The following PEX5L variants were observed in gnomAD, a reference collection of about 807,000 sequenced individuals.
PEX5L encodes the protein PEX5-related protein.
In PEX5L, 30 loss-of-function variants were observed where a neutral mutation model predicts 84.0. The ratio of observed to expected loss-of-function variants is 0.36; its 90% CI spans 0.27 to 0.48. The LOEUF is 0.48. Among genes scored for constraint, PEX5L ranks in the 20% least tolerant of loss-of-function variants. The pLI is 0.99. For missense variants in PEX5L, 533 were observed against 754.6 expected (o/e 0.71, Z 3.44); for synonymous variants, 270 against 283.1 (o/e 0.95, Z 0.46).
chr3:179,985,839 C>T (rs753212989), intron 1 of PEX5L, among the ~76,000 whole-genome samples: 7 of 152,112 alleles, frequency 4.6e-5, no homozygotes, highest in African/African-American at 1.7e-4. Flanking sequence ...CACGAGGAAA[C>T]TGCTTCTGAC....
intron 2 of PEX5L, among the ~76,000 whole-genome samples, chr3:179,938,432 A>G (rs573308430): frequency 6.6e-6 from 1 of 152,354 alleles, no homozygotes; most frequent in South Asian, 2.1e-4. Context: ...TGGAGATTTA[A>G]CAAGAGCTGT....
chr3:179,828,722 C>T (rs1011884036), intron 8 of PEX5L, among the ~76,000 whole-genome samples: 3 of 151,744 alleles, frequency 2.0e-5, no homozygotes, highest in African/African-American at 7.3e-5. Context: ...TGAGATAAAG[C>T]CTTAGTGTAT....
chr3:179,971,326 C>T (rs1449445839), intron 2 of PEX5L, among the ~76,000 whole-genome samples: 1 of 152,064 alleles, frequency 6.6e-6, no homozygotes, highest in Non-Finnish European at 1.5e-5. Flanking sequence ...CTCATTTTAT[C>T]AAGAGATGCC....
chr3:179,949,182 T>C (rs1290300280), intron 2 of PEX5L, among the ~76,000 whole-genome samples: 1 of 152,054 alleles, frequency 6.6e-6, no homozygotes, highest in East Asian at 1.9e-4. Flanking sequence ...GAAGGATTAA[T>C]AAATGGTAAA....
rs370748879 is a variant in PEX5L, at chr3:179,808,529, C to T, written c.1353-92G>A. 6 of 1,015,058 alleles carry T rather than the reference C, an allele frequency of 5.9e-6. No homozygotes were observed. The African/African-American group carries it at 8.2e-5, about 14-fold the overall frequency. 62.9% of individuals were successfully genotyped at this position (1,015,058 alleles called of 1,614,324 possible). On this transcript the variant is annotated intron_variant, in intron 12 of 14. Transcript: ENST00000467460. The stretch of plus-strand genomic sequence containing the variant: ...ATCCCTTGACTGTATTTCAAGAAGT[C>T]TCTTCGTTACAGACTGGAAAATTTT...
chr3:179,948,685 T>C (rs1469406926), intron 2 of PEX5L, among the ~76,000 whole-genome samples: 1 of 152,164 alleles, frequency 6.6e-6, no homozygotes, highest in African/African-American at 2.4e-5. Flanking sequence ...ATTTCTTCAC[T>C]TCTACCCAAT....
At chr3:179,803,713 G>A (rs555389948) in intron 14 of PEX5L, among the ~76,000 whole-genome samples, 1 of 152,314 alleles carries the variant, frequency 6.6e-6, no homozygotes, top group African/African-American at 2.4e-5. Context: ...TAGGTAATAA[G>A]CATCTGGTAA....
At chr3:179,908,383 C>A (rs1486863092) in intron 2 of PEX5L, among the ~76,000 whole-genome samples, 1 of 152,208 alleles carries the variant, frequency 6.6e-6, no homozygotes, top group African/African-American at 2.4e-5. Context: ...GGCACCAACA[C>A]CCAGACTGGA....
chr3:179,875,327 C>A (rs1560492065), intron 6 of PEX5L, 27 bp downstream of exon 6: 2 of 1,612,208 alleles, frequency 1.2e-6, no homozygotes, highest in South Asian at 2.2e-5. Flanking sequence ...ACATAAATGG[C>A]CGTTTTCTGG....
At chr3:179,864,541 G>A (rs1026747351) in intron 7 of PEX5L, among the ~76,000 whole-genome samples, 4 of 152,000 alleles carry the variant, frequency 2.6e-5, no homozygotes, top group Non-Finnish European at 5.9e-5. Context: ...AAGGTTGAGG[G>A]GTTTGGGAGA....
At chr3:180,010,101 G>A (rs1005279299) in intron 1 of PEX5L, among the ~76,000 whole-genome samples, 6 of 151,802 alleles carry the variant, frequency 4.0e-5, no homozygotes, top group Non-Finnish European at 5.9e-5. Context: ...CCGCCACCAC[G>A]TCTGGCTACT....
chr3:180,003,740 AC>A (rs1434006587), intron 1 of PEX5L, among the ~76,000 whole-genome samples: 3 of 152,212 alleles, frequency 2.0e-5, no homozygotes, highest in African/African-American at 7.2e-5. Context: ...ACAAAAGGCA[AC>A]TAAATAATAA....
intron 3 of PEX5L, among the ~76,000 whole-genome samples, chr3:179,890,726 G>A (rs890898889): frequency 1.3e-5 from 2 of 152,106 alleles, no homozygotes; most frequent in Non-Finnish European, 2.9e-5. Flanking sequence ...TCACAGTTCT[G>A]TGTACATATA....
intron 1 of PEX5L, among the ~76,000 whole-genome samples, chr3:180,034,264 G>GT (rs1201630152): frequency 1.3e-5 from 2 of 152,190 alleles, no homozygotes; most frequent in Admixed American, 6.5e-5. Flanking sequence ...TAAGGTATCA[G>GT]TCAAGTAACA....
rs115154825 is a variant in PEX5L, at chr3:179,978,899, G to A, written c.22-7234C>T. Among the ~76,000 whole-genome samples the A allele has an allele frequency of 3.0e-3, 451 of 152,324 alleles. 2 individuals are homozygous for A. Among genetic ancestry groups the A allele is most frequent in the African/African-American group, 0.011 (443 of 41,576 alleles). On this transcript the variant is annotated intron_variant, in intron 1 of 14. Transcript: ENST00000467460. ...GCTTTCTGGGATTAATCCATGGAAT[G>A]ATAGGCAGTTCAAGATGATATTAAT...
At position 179,808,282 on chromosome 3, in the gene PEX5L, A is replaced by G; in HGVS notation, c.1508T>C (p.Val503Ala). 2 of 1,572,870 alleles carry G rather than the reference A, an allele frequency of 1.3e-6. No homozygotes were observed. The highest frequency in any genetic ancestry group is 1.7e-6 in the Non-Finnish European group (2 of 1,163,304). ...AIDAFNAALT[V>A]RPEDYSLWNR... ...GCTGTGCTGTCTTACCTCTGGCCGAACAGTTAAGGCAGCGTTAAATGCATC... is the reference window on the plus strand; with the variant it reads ...GCTGTGCTGTCTTACCTCTGGCCGAGCAGTTAAGGCAGCGTTAAATGCATC... The change falls in exon 13 of 15, where the codon GTT (valine) becomes GCT (alanine). Residue 503 changes from valine to alanine, a missense_variant. This residue lies in a region of PEX5L where 105 missense variants were observed against 204.6 expected (regional missense o/e 0.51). Transcript: ENST00000467460.
chr3:179,978,730 T>G (rs948000565), intron 1 of PEX5L, among the ~76,000 whole-genome samples: 1 of 152,224 alleles, frequency 6.6e-6, no homozygotes, highest in African/African-American at 2.4e-5. Context: ...ATCTTTGCTT[T>G]TATTTGGAAA....
In PEX5L at chr3:179,876,040, G is replaced by C. The variant is rs114505082; in HGVS notation, c.506-563C>G. Among the ~76,000 whole-genome samples, 1,229 of 152,280 alleles carry C rather than the reference G, an allele frequency of 8.1e-3. 20 individuals are homozygous for C. Among genetic ancestry groups the C allele is most frequent in the African/African-American group, 0.029 (1,190 of 41,540 alleles). ...GAGAGAATTTATAATGGGGGAGAGAGAGAAAGGAGGCAATGAGGACAGCCA... is the reference window on the plus strand; with the variant it reads ...GAGAGAATTTATAATGGGGGAGAGACAGAAAGGAGGCAATGAGGACAGCCA... On this transcript the variant is annotated intron_variant, in intron 5 of 14. Coordinates refer to ENST00000467460, the MANE Select transcript of PEX5L (RefSeq NM_016559.3).
Position 179,880,136 on chromosome 3 carries a change from G to A in PEX5L, c.311-13C>T. ...CCAGTGGTCAATACTACCAGAAATG[G>A]AAGAGGTTAAGATAAGCCCATTTAC... On this transcript the variant is annotated splice_polypyrimidine_tract_variant and intron_variant, in intron 4 of 14. Transcript: ENST00000467460. 1.3e-6 allele frequency: 2 copies of A among 1,563,890 alleles called. No individual in the cohort carries two copies. The highest frequency in any genetic ancestry group is 1.2e-5 in the South Asian group (1 of 84,640).
Sources: allele counts gnomAD v4.1 joint callset (sites outside exome capture counted in the v4.1 genomes callset), GRCh38; gene constraint gnomAD v4.1.1; regional missense constraint gnomAD v4.1.1; transcripts MANE v1.5; gene names NCBI Gene and HGNC (gene_info 2026-07-23, HGNC 2026-07-21).